The following ZNF407 variants were observed in gnomAD, a reference collection of about 807,000 sequenced individuals.
The protein encoded by ZNF407 is zinc finger protein 407.
A neutral mutation model predicts 131.2 loss-of-function variants in ZNF407; 17 were observed. The observed-to-expected ratio is 0.13, with a 90% confidence interval of 0.09 to 0.19. The LOEUF is 0.19. Among genes scored for constraint, ZNF407 ranks in the 10% least tolerant of loss-of-function variants. ZNF407 has a pLI of 1.00. For missense variants in ZNF407, 2,681 were observed against 2,830.6 expected, an observed-to-expected ratio of 0.95 and a Z score of 1.20; for synonymous variants, 1,156 against 1,062.0, an observed-to-expected ratio of 1.09 and a Z score of -1.72.
chr18:74,908,221 T>C (rs2145218770), intron 7 of ZNF407, among the ~76,000 whole-genome samples: 1 of 152,320 alleles, frequency 6.6e-6, no homozygotes, highest in South Asian at 2.1e-4. Context: ...TGAGGCATAT[T>C]TTCCTACACA....
chr18:74,727,799 C>T (rs887468667), intron 3 of ZNF407, among the ~76,000 whole-genome samples: 4 of 152,188 alleles, frequency 2.6e-5, no homozygotes, highest in African/African-American at 7.2e-5. Context: ...TGATGGCAAG[C>T]ACAAAATGCA....
chr18:74,875,207 A>G (rs1295916344), intron 4 of ZNF407, among the ~76,000 whole-genome samples: 2 of 152,232 alleles, frequency 1.3e-5, no homozygotes, highest in Non-Finnish European at 2.9e-5. Context: ...TTTAAGTGCC[A>G]GAATGAGCTT....
chr18:74,716,921 A>G (rs1967907858), intron 3 of ZNF407, among the ~76,000 whole-genome samples: 1 of 152,196 alleles, frequency 6.6e-6, no homozygotes, highest in Non-Finnish European at 1.5e-5. Context: ...GGCCTTATAC[A>G]CGTTCCAACT....
rs1445972208 is a variant in ZNF407 at position 74,913,117 on chromosome 18, T to C, written c.5250-7397T>C. ...AGGCTCTGAAACATTGTTAGTGGAA[T>C]TGTAAATTGCTACAATTCCTCTGAA... On this transcript the variant is annotated intron_variant, in intron 7 of 8. Transcript: ENST00000299687. 2.6e-5 allele frequency among the ~76,000 whole-genome samples: 4 copies of C among 152,202 alleles called. No homozygotes were observed. In the East Asian group the frequency reaches 7.7e-4, roughly 29 times the overall value.
intron 3 of ZNF407, among the ~76,000 whole-genome samples, chr18:74,720,688 G>A (rs571037993): frequency 5.9e-5 from 9 of 152,210 alleles, no homozygotes; most frequent in African/African-American, 2.2e-4. Flanking sequence ...AGGGTTAGAG[G>A]TGGGGGTCTA....
intron 8 of ZNF407, among the ~76,000 whole-genome samples, chr18:74,965,859 G>A (rs1972403537): frequency 6.6e-6 from 1 of 152,178 alleles, no homozygotes; most frequent in Non-Finnish European, 1.5e-5. Context: ...TTTAACTGGA[G>A]TGAGATGATG....
chr18:74,983,544 A>G (rs1036227947), intron 8 of ZNF407, among the ~76,000 whole-genome samples: 4 of 152,078 alleles, frequency 2.6e-5, no homozygotes, highest in Non-Finnish European at 5.9e-5. Context: ...TGCTTTTTTG[A>G]ATGATTTATG....
intron 8 of ZNF407, among the ~76,000 whole-genome samples, chr18:75,033,127 G>C (rs1973264816): frequency 7.4e-6 from 1 of 135,112 alleles, no homozygotes. Flanking sequence ...AGAGTGCTCA[G>C]AATAGGGGGA....
At chr18:74,954,604 T>C (rs1250712226) in intron 8 of ZNF407, among the ~76,000 whole-genome samples, 1 of 152,240 alleles carries the variant, frequency 6.6e-6, no homozygotes, top group East Asian at 1.9e-4. Flanking sequence ...TTATATAACA[T>C]AATTTTATCA....
rs375136326 is a variant in ZNF407 at position 74,608,355 on chromosome 18, C to CTTTTTTTTTTT, written c.-54+10428_-54+10429insTTTTTTTTTTT. Among the ~76,000 whole-genome samples the CTTTTTTTTTTT allele has an allele frequency of 6.7e-3, 980 of 146,340 alleles. 11 individuals are homozygous for CTTTTTTTTTTT. The highest frequency in any genetic ancestry group is 0.02 in the African/African-American group (782 of 39,492). ...TCTGTGATAGTGTTCTTTTAGATTT[C>CTTTTTTTTTTT]TTTTTTTTTTGGAAACAGAGTCTTG... On this transcript the variant is annotated intron_variant, in intron 1 of 8. Coordinates refer to ENST00000299687, the MANE Select transcript of ZNF407 (RefSeq NM_017757.3).
chr18:74,847,966 G>A (rs1970725607), intron 4 of ZNF407, among the ~76,000 whole-genome samples: 1 of 151,812 alleles, frequency 6.6e-6, no homozygotes, highest in African/African-American at 2.4e-5. Flanking sequence ...TGTCGTGTGT[G>A]TATACTGACT....
chr18:75,052,499 C>G (rs1973513360), intron 8 of ZNF407, among the ~76,000 whole-genome samples: 1 of 152,180 alleles, frequency 6.6e-6, no homozygotes, highest in African/African-American at 2.4e-5. Flanking sequence ...CCACCAGTGT[C>G]AGGCCTGTAG....
intron 7 of ZNF407, among the ~76,000 whole-genome samples, chr18:74,914,739 G>T (rs1174471055): frequency 1.3e-5 from 2 of 152,194 alleles, no homozygotes; most frequent in African/African-American, 4.8e-5. Context: ...ACACCCAGGG[G>T]TGTTTCCTCT....
At chr18:74,882,752 A>G (rs1251616844) in intron 6 of ZNF407, among the ~76,000 whole-genome samples, 1 of 152,234 alleles carries the variant, frequency 6.6e-6, no homozygotes, top group African/African-American at 2.4e-5. Flanking sequence ...AGGATTCAGC[A>G]TAAGAGATGA....
intron 4 of ZNF407, among the ~76,000 whole-genome samples, chr18:74,812,115 T>G (rs1007361203): frequency 3.2e-4 from 48 of 152,272 alleles, no homozygotes; most frequent in African/African-American, 9.9e-4. Context: ...TTTATCCTTT[T>G]GCCATTGTCT....
intron 4 of ZNF407, among the ~76,000 whole-genome samples, chr18:74,863,017 C>T (rs1432790161): frequency 6.6e-6 from 1 of 151,060 alleles, no homozygotes; most frequent in African/African-American, 2.4e-5. Flanking sequence ...GCCTCCCAGG[C>T]TCAAGTGATT....
At chr18:74,755,820 CTCCCTCCCTCCCT>C (rs1205387527) in intron 3 of ZNF407, among the ~76,000 whole-genome samples, 33 of 120,496 alleles carry the variant, frequency 2.7e-4, no homozygotes, top group Non-Finnish European at 4.9e-4. Context: ...TCATTCATTC[CTCCCTCCCTCCCT>C]TCCCTCCCTC....
chr18:74,632,044 G>T lies in ZNF407; in HGVS notation c.1025G>T (p.Ser342Ile), dbSNP rs1984124240. 6.2e-7 allele frequency: 1 copy of T among 1,613,682 alleles called. No individual in the cohort carries two copies. Among genetic ancestry groups the T allele is most frequent in the African/African-American group, 1.3e-5 (1 of 74,930 alleles). ...ATTTCTAAACAAAGTGGTAGTAGCA[G>T]TGAGCTTCTTGTTGAAATGATGCCT... ...GSISKQSGSS[S>I]ELLVEMMPSR... The change falls in exon 2 of 9, where the codon AGT (serine) becomes ATT (isoleucine). Residue 342 changes from serine (S) to isoleucine (I), a missense_variant. By Grantham distance (142) the Ser-to-Ile change is moderately radical. Transcript: ENST00000299687.
chr18:74,807,685 G>A (rs768022344), intron 4 of ZNF407, among the ~76,000 whole-genome samples: 43 of 152,206 alleles, frequency 2.8e-4, no homozygotes, highest in Middle Eastern at 3.4e-3. Flanking sequence ...GATTCCCACC[G>A]TCCATTCATT....
Sources: allele counts gnomAD v4.1 joint callset (sites outside exome capture counted in the v4.1 genomes callset), GRCh38; gene constraint gnomAD v4.1.1; transcripts MANE v1.5; gene names NCBI Gene and HGNC (gene_info 2026-07-23, HGNC 2026-07-21).